Variants in ADCY7 observed in about 807,000 individuals in gnomAD.
ADCY7 encodes the protein adenylate cyclase type 7.
In ADCY7, 72 loss-of-function variants were observed where a neutral mutation model predicts 120.6. The observed-to-expected ratio is 0.60, with a 90% confidence interval of 0.49 to 0.73. ADCY7 has a LOEUF of 0.73. Ranked by LOEUF, ADCY7 falls within the 30% of genes least tolerant of loss-of-function variation. ADCY7 has a pLI of 0.00. For missense variants in ADCY7, 1,227 were observed against 1,486.0 expected (o/e 0.83, Z 2.87); for synonymous variants, 661 against 628.0 (o/e 1.05, Z -0.78).
rs773974481 is a variant in ADCY7 at position 50,294,736 on chromosome 16, C to T, written c.933C>T (p.Phe311=). 50 of 1,612,036 alleles carry T rather than the reference C, an allele frequency of 3.1e-5. No homozygotes were observed. The highest frequency in any genetic ancestry group is 2.0e-4 in the South Asian group (18 of 90,876). The part of the protein sequence containing the change: ...VVVLNELFGK[F]DQIAKANECM... ...TGCTGAATGAGCTCTTTGGCAAGTT[C>T]GACCAGATCGCCAAGGTGAGCCCGC... is the stretch of plus-strand genomic sequence containing the variant. The change falls in exon 7 of 26, where the codon TTC becomes TTT. Residue 311 remains phenylalanine (F), a synonymous_variant. Transcript: ENST00000673801.
At chr16:50,256,958 C>T (rs1596795085) in intron 1 of ADCY7, among the ~76,000 whole-genome samples, 1 of 152,096 alleles carries the variant, frequency 6.6e-6, no homozygotes, top group Non-Finnish European at 1.5e-5. Context: ...GACATATATA[C>T]ACAATGAGAT....
At chr16:50,245,720 C>G (rs2032559636), upstream of ADCY7, among the ~76,000 whole-genome samples, 1 of 152,120 alleles carries the variant, frequency 6.6e-6, no homozygotes, top group African/African-American at 2.4e-5. Flanking sequence ...GTCTGTGGAT[C>G]CTTCCAGAAA....
chr16:50,289,675 A>T (rs1197908208), intron 2 of ADCY7, among the ~76,000 whole-genome samples: 1 of 152,194 alleles, frequency 6.6e-6, no homozygotes, highest in Non-Finnish European at 1.5e-5. Context: ...CATGTTGGCC[A>T]GGCTGGTCTC....
rs766933884 is a variant in ADCY7, at chr16:50,315,394, C to G, written c.3132C>G (p.Leu1044=). ...AGACCTGCACCATCCTCCAGGGCCT[C>G]GGGTACTCTTGTGAATGCCGTGGCC... ...TEETCTILQG[L]GYSCECRGLI... Residue 1044 remains leucine (L), a synonymous_variant, in exon 26 of 26, where the codon CTC becomes CTG. Transcript: ENST00000673801. The G allele has an allele frequency of 6.2e-7, 1 of 1,613,700 alleles. No individual in the cohort carries two copies. The highest frequency in any genetic ancestry group is 8.5e-7 in the Non-Finnish European group (1 of 1,179,640).
intron 1 of ADCY7, among the ~76,000 whole-genome samples, chr16:50,287,019 A>ATT: frequency 6.9e-6 from 1 of 144,394 alleles, no homozygotes; most frequent in African/African-American, 2.5e-5. Context: ...TGGGTATTTG[A>ATT]TTTTTTTTTT....
chr16:50,308,474 C>A (rs1343503379), intron 16 of ADCY7, 63 bp downstream of exon 16: 9 of 1,606,056 alleles, frequency 5.6e-6, no homozygotes, highest in African/African-American at 1.3e-5. Context: ...TGCCTAGGAG[C>A]CCTCCCTGGT....
chr16:50,298,975 G>A lies in ADCY7; in HGVS notation c.1020G>A (p.Leu340=). The change falls in exon 8 of 26, where the codon CTG becomes CTA. Residue 340 remains leucine (L), a synonymous_variant. Transcript: ENST00000673801. The part of the protein sequence containing the change: ...YYCVSGLPVS[L]PTHARNCVKM... Reference sequence around the variant, plus strand: ...GTGTATCGGGCCTGCCCGTGTCGCTGCCTACCCACGCCCGGAACTGCGTGA... The same window carrying A: ...GTGTATCGGGCCTGCCCGTGTCGCTACCTACCCACGCCCGGAACTGCGTGA... 6.2e-7 allele frequency: 1 copy of A among 1,613,528 alleles called. No homozygotes were observed. Among genetic ancestry groups the A allele is most frequent in the Non-Finnish European group, 8.5e-7 (1 of 1,180,018 alleles).
In ADCY7 at chr16:50,315,703, C is replaced by T. The variant is rs60444957; in HGVS notation, c.*198C>T. 7.5e-5 allele frequency: 46 copies of T among 616,434 alleles called. No individual in the cohort carries two copies. Among genetic ancestry groups the T allele is most frequent in the African/African-American group, 9.2e-5 (5 of 54,472 alleles). The allele number at this position is 616,434 out of a possible 1,614,324, so 38.2% of individuals were successfully genotyped here. The stretch of plus-strand genomic sequence containing the variant: ...TCGAAGCAGCCACTGAGCCATAATG[C>T]GCAGGGGAGGCCAGAAGCTCTGTGC... On this transcript the variant is annotated 3_prime_UTR_variant, in exon 26 of 26. Coordinates refer to ENST00000673801, the MANE Select transcript of ADCY7 (RefSeq NM_001114.5).
chr16:50,283,910 C>T (rs774606607), intron 1 of ADCY7, among the ~76,000 whole-genome samples: 9 of 152,172 alleles, frequency 5.9e-5, no homozygotes, highest in East Asian at 1.9e-4. Context: ...TGAGCCCCCC[C>T]GTCATGGAGG....
At chr16:50,271,588 G>A (rs1165939649) in intron 1 of ADCY7, among the ~76,000 whole-genome samples, 2 of 152,148 alleles carry the variant, frequency 1.3e-5, no homozygotes, top group Non-Finnish European at 2.9e-5. Context: ...TGGCTTGTGA[G>A]GCCCTCCCAG....
chr16:50,289,954 C>A (rs566088258), intron 2 of ADCY7, among the ~76,000 whole-genome samples: 2 of 152,248 alleles, frequency 1.3e-5, no homozygotes, highest in African/African-American at 4.8e-5. Context: ...TCTGCCCCCA[C>A]GGACCTCCCG....
chr16:50,311,995 C>G (rs1250188150), intron 20 of ADCY7, 41 bp from the exon 21 acceptor site: 15 of 1,611,030 alleles, frequency 9.3e-6, no homozygotes, highest in Non-Finnish European at 1.3e-5. Flanking sequence ...ACGGCTCCCA[C>G]TTGCCTGTGG....
intron 10 of ADCY7, chr16:50,302,085 C>T (rs7193875): frequency 0.19 from 29,198 of 152,616 alleles, 3,127 homozygotes; most frequent in Non-Finnish European, 0.24. Flanking sequence ...CCCTGTACCC[C>T]GGCCCTGGCC....
At chr16:50,264,851 T>C (rs1279001129), upstream of ADCY7, among the ~76,000 whole-genome samples, 2 of 149,630 alleles carry the variant, frequency 1.3e-5, no homozygotes, top group Non-Finnish European at 3.0e-5. Context: ...TTTTTTTTTT[T>C]TCTGAGACAG....
rs946064283 is a variant in ADCY7, at chr16:50,307,142, G to A, written c.1845G>A (p.Met615Ile). Residue 615 changes from methionine (M) to isoleucine (I), a missense_variant, in exon 15 of 26, where the codon ATG (methionine) becomes ATA (isoleucine). Coordinates refer to ENST00000673801, the MANE Select transcript of ADCY7 (RefSeq NM_001114.5). ...VCILLVHVLLMPRTAALGVSF... is the reference protein window; with the variant it reads ...VCILLVHVLLIPRTAALGVSF... ...TCCTGCTCGTCCATGTCCTGCTCATGCCCAGGTCAGTTGCAGGGAGGGGTG... is the reference window on the plus strand; with the variant it reads ...TCCTGCTCGTCCATGTCCTGCTCATACCCAGGTCAGTTGCAGGGAGGGGTG... 1.2e-5 allele frequency: 20 copies of A among 1,611,388 alleles called. No individual in the cohort carries two copies. Among genetic ancestry groups the A allele is most frequent in the Non-Finnish European group, 1.6e-5 (19 of 1,179,976 alleles).
chr16:50,251,132 C>G (rs1044585421), intron 1 of ADCY7, among the ~76,000 whole-genome samples: 1 of 151,788 alleles, frequency 6.6e-6, no homozygotes, highest in African/African-American at 2.4e-5. Flanking sequence ...CCCAGCTACT[C>G]CAGAGGCTGA....
At chr16:50,246,151 C>G (rs577549784) in exon 1 of ADCY7, 1 of 149,560 alleles carries the variant, frequency 6.7e-6, no homozygotes, top group Admixed American at 6.6e-5. Flanking sequence ...CGGGCCAGCC[C>G]GCTGCCACTG....
In ADCY7 at chr16:50,294,631, C is replaced by CAA; in HGVS notation, c.837-8_837-7insAA. 3.9e-6 allele frequency: 6 copies of CAA among 1,545,240 alleles called. No homozygotes were observed. The highest frequency in any genetic ancestry group is 5.3e-6 in the Non-Finnish European group (6 of 1,122,988). Reference sequence around the variant, plus strand: ...TCTGACACTCCCTCCCACCCTGCCCCATCCCCAGCATCCTCTATGCGGACA... The same window carrying CAA: ...TCTGACACTCCCTCCCACCCTGCCCCAAATCCCCAGCATCCTCTATGCGGACA... On this transcript the variant is annotated splice_polypyrimidine_tract_variant and intron_variant, in intron 6 of 25. Coordinates refer to ENST00000673801, the MANE Select transcript of ADCY7 (RefSeq NM_001114.5).
At chr16:50,270,968 G>C (rs113127149) in intron 1 of ADCY7, among the ~76,000 whole-genome samples, 21 of 152,272 alleles carry the variant, frequency 1.4e-4, no homozygotes, top group Admixed American at 3.9e-4. Context: ...GTGTCACCCG[G>C]CTTGCCATAG....
Sources: allele counts gnomAD v4.1 joint callset (sites outside exome capture counted in the v4.1 genomes callset), GRCh38; gene constraint gnomAD v4.1.1; transcripts MANE v1.5; gene names NCBI Gene and HGNC (gene_info 2026-07-23, HGNC 2026-07-21).